TASP1: variants seen among roughly 807,000 people sequenced by gnomAD.
TASP1 encodes threonine aspartase 1.
A neutral mutation model predicts 56.6 loss-of-function variants in TASP1; 16 were observed. That is an observed-to-expected ratio of 0.28 (90% CI 0.19 to 0.43). The LOEUF (loss-of-function observed/expected upper bound fraction) is 0.43. TASP1 is among the 20% of genes least tolerant of loss of function. The pLI is 1.00. For missense variants in TASP1, 393 were observed against 511.6 expected, an observed-to-expected ratio of 0.77 and a Z score of 2.24; for synonymous variants, 179 against 184.2, an observed-to-expected ratio of 0.97 and a Z score of 0.23.
intron 7 of TASP1, among the ~76,000 whole-genome samples, chr20:13,564,313 T>G (rs924335522): frequency 5.3e-5 from 7 of 131,464 alleles, no homozygotes; most frequent in Admixed American, 2.3e-4. Context: ...TAAAAAGAAA[T>G]TAAGAAAGCA....
the TASP1 span, among the ~76,000 whole-genome samples, chr20:13,350,305 T>A: frequency 1.3e-5 from 2 of 152,308 alleles, no homozygotes; most frequent in African/African-American, 4.8e-5. Context: ...AGGTGTTAAT[T>A]TTCCCACAAG....
the TASP1 span, among the ~76,000 whole-genome samples, chr20:13,110,421 T>C: frequency 3.3e-5 from 5 of 152,302 alleles, no homozygotes; most frequent in African/African-American, 1.2e-4. Context: ...CACAGCAGCT[T>C]GGAGGCTGGC....
At chr20:13,228,710 C>A in the TASP1 span, among the ~76,000 whole-genome samples, 3 of 152,132 alleles carry the variant, frequency 2.0e-5, no homozygotes, top group Non-Finnish European at 1.5e-5. Flanking sequence ...GAAAAAATTT[C>A]TTTAGTTATA....
intron 11 of TASP1, among the ~76,000 whole-genome samples, chr20:13,469,132 G>C (rs920681781): frequency 6.6e-6 from 1 of 151,974 alleles, no homozygotes; most frequent in African/African-American, 2.4e-5. Flanking sequence ...TTGGTTTTTT[G>C]TTTTGCCTTT....
chr20:13,309,439 A>G, the TASP1 span, among the ~76,000 whole-genome samples: 1 of 152,178 alleles, frequency 6.6e-6, no homozygotes, highest in Non-Finnish European at 1.5e-5. Context: ...AATCAAGACC[A>G]TATAGCACAA....
chr20:13,113,257 C>T, the TASP1 span, among the ~76,000 whole-genome samples: 2 of 152,144 alleles, frequency 1.3e-5, no homozygotes, highest in Non-Finnish European at 2.9e-5. Context: ...GTCAATAGTT[C>T]ACAAATGCAC....
At chr20:13,196,000 A>G in the TASP1 span, among the ~76,000 whole-genome samples, 93 of 152,350 alleles carry the variant, frequency 6.1e-4, no homozygotes, top group African/African-American at 1.9e-3. Context: ...AGGATATATT[A>G]TGCTATTAGA....
intron 7 of TASP1, among the ~76,000 whole-genome samples, chr20:13,562,179 A>G (rs2046364675): frequency 6.6e-6 from 1 of 152,208 alleles, no homozygotes; most frequent in South Asian, 2.1e-4. Flanking sequence ...TAAAATACAG[A>G]AAGAAATCAC....
At chr20:13,596,990 T>C (rs752341077) in intron 4 of TASP1, among the ~76,000 whole-genome samples, 4 of 152,128 alleles carry the variant, frequency 2.6e-5, no homozygotes, top group South Asian at 2.1e-4. Context: ...CTGGAAGAAG[T>C]TGAATCTCTA....
chr20:13,338,946 C>T, the TASP1 span, among the ~76,000 whole-genome samples: 1 of 152,132 alleles, frequency 6.6e-6, no homozygotes, highest in African/African-American at 2.4e-5. Flanking sequence ...AATACACACA[C>T]CCATGCATGC....
At chr20:13,368,977 G>A in the TASP1 span, among the ~76,000 whole-genome samples, 1 of 152,176 alleles carries the variant, frequency 6.6e-6, no homozygotes, top group Admixed American at 6.5e-5. Flanking sequence ...TTTTCATTTT[G>A]ATGACAAACT....
the TASP1 span, among the ~76,000 whole-genome samples, chr20:13,290,744 C>A: frequency 6.6e-6 from 1 of 152,104 alleles, no homozygotes; most frequent in Admixed American, 6.5e-5. Context: ...TTTTTGAGTA[C>A]TTAAGTGTCA....
the TASP1 span, among the ~76,000 whole-genome samples, chr20:13,174,748 C>T: frequency 3.5e-4 from 53 of 151,446 alleles, 1 homozygote; most frequent in African/African-American, 1.1e-3. Context: ...TCTTTCATTA[C>T]GTCTCAAATT....
At chr20:13,126,884 C>CT in the TASP1 span, among the ~76,000 whole-genome samples, 204 of 152,354 alleles carry the variant, frequency 1.3e-3, no homozygotes, top group African/African-American at 4.3e-3. Flanking sequence ...TACAAAAACC[C>CT]TTTGTTAAAG....
the TASP1 span, among the ~76,000 whole-genome samples, chr20:13,311,216 T>TGATAGATAGATAGATAGATA: frequency 0.043 from 5,646 of 132,690 alleles, 210 homozygotes; most frequent in Admixed American, 0.059. Context: ...TATAGATAGA[T>TGATAGATAGATAGATAGATA]GATAGATAGA....
the TASP1 span, among the ~76,000 whole-genome samples, chr20:13,207,744 A>T: frequency 6.6e-6 from 1 of 152,200 alleles, no homozygotes; most frequent in African/African-American, 2.4e-5. Context: ...TACTCAGTCC[A>T]CCAATTCAAA....
the TASP1 span, among the ~76,000 whole-genome samples, chr20:13,120,522 A>G: frequency 6.6e-6 from 1 of 152,146 alleles, no homozygotes; most frequent in African/African-American, 2.4e-5. Flanking sequence ...CTGGCTCTTA[A>G]CTCTCTTTTT....
chr20:13,134,324 C>T, the TASP1 span, among the ~76,000 whole-genome samples: 12 of 152,182 alleles, frequency 7.9e-5, no homozygotes, highest in East Asian at 2.1e-3. Flanking sequence ...AATAAACTTG[C>T]TCATCAAGGA....
At chr20:13,330,861 C>T in the TASP1 span, among the ~76,000 whole-genome samples, 1 of 152,000 alleles carries the variant, frequency 6.6e-6, no homozygotes, top group Non-Finnish European at 1.5e-5. Flanking sequence ...ATCTTTTATT[C>T]CTGACATTAG....
Sources: allele counts gnomAD v4.1 joint callset (sites outside exome capture counted in the v4.1 genomes callset), GRCh38; gene constraint gnomAD v4.1.1; transcripts MANE v1.5; gene names NCBI Gene and HGNC (gene_info 2026-07-23, HGNC 2026-07-21).